Variants in CKAP4 observed in about 807,000 individuals in gnomAD.
CKAP4 encodes the protein cytoskeleton-associated protein 4.
A neutral mutation model predicts 24.4 loss-of-function variants in CKAP4; 20 were observed. The ratio of observed to expected loss-of-function variants is 0.82; its 90% CI spans 0.58 to 1.19. The LOEUF (loss-of-function observed/expected upper bound fraction) is 1.19, where lower values mean the gene tolerates loss of function less well. CKAP4 is among the 50% of genes most tolerant of loss of function. CKAP4 has a pLI of 0.00. For missense variants in CKAP4, 744 were observed against 765.3 expected (o/e 0.97, Z 0.33); for synonymous variants, 378 against 351.7 (o/e 1.07, Z -0.84).
intron 1 of CKAP4, among the ~76,000 whole-genome samples, chr12:106,241,388 A>G (rs891366114): frequency 7.1e-6 from 1 of 141,084 alleles, no homozygotes; most frequent in Non-Finnish European, 1.5e-5. Context: ...GCTGGAGTGC[A>G]GTGGCGGGAT....
In CKAP4 at chr12:106,239,059, A is replaced by G; in HGVS notation, c.1774T>C (p.Phe592Leu). 6.2e-7 allele frequency: 1 copy of G among 1,613,846 alleles called. No individual in the cohort carries two copies. Among genetic ancestry groups the G allele is most frequent in the Non-Finnish European group, 8.5e-7 (1 of 1,179,826 alleles). ...DDLRNDLDRL[F>L]VKVEKIHEKV ...TCGTGAATCTTCTCCACTTTCACAA[A>G]CAACCTATCCAGATCATTCCTCAGG... Residue 592 changes from phenylalanine to leucine, a missense_variant, in exon 2 of 2, where the codon TTT becomes CTT. By Grantham distance (22) the Phe-to-Leu change is conservative. Around this residue, in one of 3 missense-constraint regions of CKAP4, gnomAD observed 401 missense variants for 424.5 expected, o/e 0.94. Coordinates refer to ENST00000378026, the MANE Select transcript of CKAP4 (RefSeq NM_006825.4). The surrounding 1 kb of genome is among the most constrained non-coding windows in gnomAD (Gnocchi z 4.9).
rs1370363283 is a variant in CKAP4 at position 106,239,761 on chromosome 12, T to C, written c.1072A>G (p.Arg358Gly). The C allele has an allele frequency of 1.2e-6, 2 of 1,613,806 alleles. No homozygotes were observed. The highest frequency in any genetic ancestry group is 8.5e-7 in the Non-Finnish European group (1 of 1,179,944). ...ALQALTEKLL[R>G]SEESVSRLPE... is the part of the protein sequence containing the mutation. Reference sequence around the variant, plus strand: ...AGGCGGGAGACGGACTCCTCAGACCTGAGAAGCTTCTCCGTGAGGGCCTGC... The same window carrying C: ...AGGCGGGAGACGGACTCCTCAGACCCGAGAAGCTTCTCCGTGAGGGCCTGC... The change falls in exon 2 of 2, where the codon AGG becomes GGG. Residue 358 changes from arginine (R) to glycine (G), a missense_variant. This residue lies in a region of CKAP4 where 401 missense variants were observed against 424.5 expected (regional missense o/e 0.94). Coordinates refer to ENST00000378026, the MANE Select transcript of CKAP4 (RefSeq NM_006825.4). This position sits in a 1 kb window ranked among gnomAD's most constrained non-coding sequence, Gnocchi z 4.9.
chr12:106,247,525 G>A lies in CKAP4; in HGVS notation c.327C>T (p.Asn109=). The change falls in exon 1 of 2, where the codon AAC becomes AAT. Residue 109 remains asparagine (N), a synonymous_variant. Transcript: ENST00000378026. The surrounding 1 kb of genome is among the most constrained non-coding windows in gnomAD (Gnocchi z 4.5). The part of the protein sequence containing the change: ...SCSRRLGRAL[N]FLFYLALVAA... Reference sequence around the variant, plus strand: ...CCACCAGGGCGAGGTAGAAGAGAAAGTTGAGCGCCCTGCCGAGCCTGCGCG... The same window carrying A: ...CCACCAGGGCGAGGTAGAAGAGAAAATTGAGCGCCCTGCCGAGCCTGCGCG... The A allele has an allele frequency of 6.5e-7, 1 of 1,527,632 alleles. No individual in the cohort carries two copies. The highest frequency in any genetic ancestry group is 8.8e-7 in the Non-Finnish European group (1 of 1,141,142). 94.6% of individuals were successfully genotyped at this position (1,527,632 alleles called of 1,614,324 possible).
At chr12:106,242,017 G>A (rs935555325) in intron 1 of CKAP4, among the ~76,000 whole-genome samples, 1 of 152,138 alleles carries the variant, frequency 6.6e-6, no homozygotes, top group Non-Finnish European at 1.5e-5. Context: ...CTTGAACACT[G>A]CCATGATAAA....
rs11559178 is a variant in CKAP4, at chr12:106,240,272, C to T, written c.561G>A (p.Glu187=). Residue 187 remains glutamate (E), a synonymous_variant, in exon 2 of 2, where the codon GAG becomes GAA. Coordinates refer to ENST00000378026, the MANE Select transcript of CKAP4 (RefSeq NM_006825.4). ...RSSQHKQDLT[E]KAVKQGESEV... is the part of the protein sequence containing the mutation. ...CACTCTCCCCTTGCTTCACAGCTTTCTCTGTGAGGTCTTGTTTATGTTGGG... is the reference window on the plus strand; with the variant it reads ...CACTCTCCCCTTGCTTCACAGCTTTTTCTGTGAGGTCTTGTTTATGTTGGG... 2 of 1,614,072 alleles carry T rather than the reference C, an allele frequency of 1.2e-6. No individual in the cohort carries two copies. Among genetic ancestry groups the T allele is most frequent in the Non-Finnish European group, 1.7e-6 (2 of 1,180,020 alleles).
At chr12:106,246,453 G>T (rs934609501) in intron 1 of CKAP4, among the ~76,000 whole-genome samples, 1 of 152,090 alleles carries the variant, frequency 6.6e-6, no homozygotes, top group Admixed American at 6.6e-5. Flanking sequence ...CCCCTAAAGC[G>T]GAAGTAGGGC....
At chr12:106,241,331 C>CTTTTTTTTTTTTTTTTTT (rs34135868) in intron 1 of CKAP4, among the ~76,000 whole-genome samples, 1 of 127,520 alleles carries the variant, frequency 7.8e-6, no homozygotes, top group Non-Finnish European at 1.6e-5. Flanking sequence ...GCCAGGGATT[C>CTTTTTTTTTTTTTTTTTT]TTTTTTTTTT....
chr12:106,247,623 CGCCGCCGCCGCCGCCGCCGCGGTG>C lies in CKAP4; in HGVS notation c.205_228del (p.His69_Gly76del). On this transcript the variant is annotated inframe_deletion, in exon 1 of 2. Coordinates refer to ENST00000378026, the MANE Select transcript of CKAP4 (RefSeq NM_006825.4). The surrounding 1 kb of genome is among the most constrained non-coding windows in gnomAD (Gnocchi z 4.5). Reference sequence around the variant, plus strand: ...GCGGAGGAGGAGGAGGAGGACTTGCCGCCGCCGCCGCCGCCGCCGCGGTGGCCGCCCTTGCCGTGCGCCTGGTTC... The same window carrying C: ...GCGGAGGAGGAGGAGGAGGACTTGCCGCCGCCCTTGCCGTGCGCCTGGTTC... The C allele has an allele frequency of 1.2e-6, 1 of 819,580 alleles. No homozygotes were observed. The highest frequency in any genetic ancestry group is 1.6e-6 in the Non-Finnish European group (1 of 643,302). 50.8% of individuals were successfully genotyped at this position (819,580 alleles called of 1,614,324 possible). A position where few individuals can be genotyped will look rare whatever the true frequency, so the allele number is the denominator to read the frequency against.
chr12:106,245,729 G>A (rs1409743362), intron 1 of CKAP4: 1 of 151,972 alleles, frequency 6.6e-6, no homozygotes, highest in East Asian at 1.9e-4. Context: ...TGAGTAGCTG[G>A]GACTACAGGC....
rs369881444 is a variant in CKAP4, at chr12:106,239,796, C to A, written c.1037G>T (p.Arg346Leu). 1 of 1,614,114 alleles carries A rather than the reference C, an allele frequency of 6.2e-7. No homozygotes were observed. The highest frequency in any genetic ancestry group is 8.5e-7 in the Non-Finnish European group (1 of 1,180,024). Residue 346 changes from arginine (R) to leucine (L), a missense_variant, in exon 2 of 2, where the codon CGG (arginine) becomes CTG (leucine). Arg to Leu is a moderately radical substitution (Grantham distance 102). Transcript: ENST00000378026. This position sits in a 1 kb window ranked among gnomAD's most constrained non-coding sequence, Gnocchi z 4.9. ...CTCCGTGAGGGCCTGCAGGGCGAGC[C>A]GCTCCGTGTCGGCCGCCTCCTTGAA... Reference protein sequence around the residue: ...QAFKEAADTERLALQALTEKL... With the variant: ...QAFKEAADTELLALQALTEKL...
chr12:106,239,154 A>G lies in CKAP4; in HGVS notation c.1679T>C (p.Leu560Ser). ...TTCTATTTTGACCGAGTATGCAACC[A>G]AACTGTCCACAGCAGTCCTGAGCAT... is the stretch of plus-strand genomic sequence containing the variant. ...LKMLRTAVDS[L>S]VAYSVKIETN... Residue 560 changes from leucine to serine, a missense_variant, in exon 2 of 2, where the codon TTG becomes TCG. This residue lies in a region of CKAP4 where 401 missense variants were observed against 424.5 expected (regional missense o/e 0.94). Coordinates refer to ENST00000378026, the MANE Select transcript of CKAP4 (RefSeq NM_006825.4). This position sits in a 1 kb window ranked among gnomAD's most constrained non-coding sequence, Gnocchi z 4.9. 1 of 1,614,150 alleles carries G rather than the reference A, an allele frequency of 6.2e-7. No individual in the cohort carries two copies. The highest frequency in any genetic ancestry group is 8.5e-7 in the Non-Finnish European group (1 of 1,180,026).
At chr12:106,245,891 G>A (rs1416358951) in intron 1 of CKAP4, among the ~76,000 whole-genome samples, 4 of 152,080 alleles carry the variant, frequency 2.6e-5, no homozygotes, top group South Asian at 2.1e-4. Flanking sequence ...CACCACGCCC[G>A]GCCGTGCTCT....
rs978794370 is a variant in CKAP4, at chr12:106,247,283, G to A, written c.483+86C>T. The A allele has an allele frequency of 6.4e-6, 8 of 1,258,992 alleles. No individual in the cohort carries two copies. Among genetic ancestry groups the A allele is most frequent in the African/African-American group, 1.6e-5 (1 of 64,280 alleles). 78.0% of individuals were successfully genotyped at this position (1,258,992 alleles called of 1,614,324 possible). On this transcript the variant is annotated intron_variant, in intron 1 of 1. Transcript: ENST00000378026. The surrounding 1 kb of genome is among the most constrained non-coding windows in gnomAD (Gnocchi z 4.5). ...TCCGGGCCTGGGCAGGCAGCGCTAG[G>A]GGCCGGTCGGGAAGCACGAAGGAGC...
At position 106,237,992 on chromosome 12, in the gene CKAP4, G is replaced by GTTTTTTTTTTTTTTTTTTTTTTTGTT; in HGVS notation, c.*1031_*1032insAACAAAAAAAAAAAAAAAAAAAAAAA. ...TTTTTTTTTTTTTTTTACTTTTCGG[G>GTTTTTTTTTTTTTTTTTTTTTTTGTT]TTTTTTTTTTTTTTTTTTTTTCAAT... On this transcript the variant is annotated 3_prime_UTR_variant, in exon 2 of 2. Transcript: ENST00000378026. 2.8e-5 allele frequency: 2 copies of GTTTTTTTTTTTTTTTTTTTTTTTGTT among 70,512 alleles called. No homozygotes were observed. The highest frequency in any genetic ancestry group is 4.8e-5 in the Non-Finnish European group (2 of 41,606). The allele number at this position is 70,512 out of a possible 1,614,324, so 4.4% of individuals were successfully genotyped here. A position where few individuals can be genotyped will look rare whatever the true frequency, so the allele number is the denominator to read the frequency against.
chr12:106,247,476 A>C lies in CKAP4; in HGVS notation c.376T>G (p.Cys126Gly). Residue 126 changes from cysteine to glycine, a missense_variant, in exon 1 of 2, where the codon TGC (cysteine) becomes GGC (glycine). Cys to Gly is a radical substitution (Grantham distance 159). Transcript: ENST00000378026. This position sits in a 1 kb window ranked among gnomAD's most constrained non-coding sequence, Gnocchi z 4.5. ...ACCTCCTCCAGGACGTGGTGGACGC[A>C]CCAGCCCGAGAAAGCGGCCGCCGCC... The part of the protein sequence containing the change: ...LVAAAAFSGW[C>G]VHHVLEEVQQ... 6.5e-7 allele frequency: 1 copy of C among 1,546,522 alleles called. No individual in the cohort carries two copies. Among genetic ancestry groups the C allele is most frequent in the Non-Finnish European group, 8.7e-7 (1 of 1,148,672 alleles).
chr12:106,238,074 G>T lies in CKAP4; in HGVS notation c.*950C>A, dbSNP rs1592895703. 7.2e-6 allele frequency: 1 copy of T among 139,182 alleles called. No individual in the cohort carries two copies. The highest frequency in any genetic ancestry group is 2.7e-5 in the African/African-American group (1 of 37,516). 8.6% of individuals were successfully genotyped at this position (139,182 alleles called of 1,614,324 possible). A position where few individuals can be genotyped will look rare whatever the true frequency, so the allele number is the denominator to read the frequency against. ...AACAATACAGCTCAGAGGGAAGGGAGATACAGCAAACAATTACACAAACGC... is the reference window on the plus strand; with the variant it reads ...AACAATACAGCTCAGAGGGAAGGGATATACAGCAAACAATTACACAAACGC... On this transcript the variant is annotated 3_prime_UTR_variant, in exon 2 of 2. Coordinates refer to ENST00000378026, the MANE Select transcript of CKAP4 (RefSeq NM_006825.4).
At chr12:106,246,935 G>T in intron 1 of CKAP4, 1 of 160,782 alleles carries the variant, frequency 6.2e-6, no homozygotes, top group Non-Finnish European at 1.4e-5. Context: ...GTGGGGCCTT[G>T]CCTGAGGCTT....
chr12:106,244,507 C>A (rs1371544194), intron 1 of CKAP4, among the ~76,000 whole-genome samples: 1 of 152,210 alleles, frequency 6.6e-6, no homozygotes, highest in Admixed American at 6.5e-5. Context: ...GTCAGCCAGG[C>A]GCAGTGGCTC....
rs974296289 is a variant in CKAP4, at chr12:106,247,384, C to T, written c.468G>A (p.Gln156=). 1.3e-6 allele frequency: 2 copies of T among 1,536,898 alleles called. No homozygotes were observed. The highest frequency in any genetic ancestry group is 1.2e-5 in the South Asian group (1 of 84,006). The change falls in exon 1 of 2, where the codon CAG becomes CAA. Residue 156 remains glutamine, a synonymous_variant. Coordinates refer to ENST00000378026, the MANE Select transcript of CKAP4 (RefSeq NM_006825.4). This position sits in a 1 kb window ranked among gnomAD's most constrained non-coding sequence, Gnocchi z 4.5. ...RQREELGQGL[Q]GVEQKVQSLQ... Reference sequence around the variant, plus strand: ...GGGTACCCACCTTCTGCTCGACGCCCTGCAAGCCCTGGCCCAGCTCCTCCC... The same window carrying T: ...GGGTACCCACCTTCTGCTCGACGCCTTGCAAGCCCTGGCCCAGCTCCTCCC...
Sources: gnomAD v4.1 joint callset for allele counts (sites outside exome capture counted in the v4.1 genomes callset) on GRCh38, gnomAD v4.1.1 for gene constraint, gnomAD v4.1.1 regional missense constraint, Gnocchi (gnomAD v3.1) non-coding constraint, MANE v1.5 for transcripts, NCBI Gene and HGNC (gene_info 2026-07-23, HGNC 2026-07-21) for gene names.